Variants in SLC1A2 observed in about 807,000 individuals in gnomAD.
SLC1A2 encodes excitatory amino acid transporter 2.
A neutral mutation model predicts 48.8 loss-of-function variants in SLC1A2; 15 were observed. That is an observed-to-expected ratio of 0.31 (90% CI 0.21 to 0.47). SLC1A2 has a LOEUF of 0.47. SLC1A2 is among the 20% of genes least tolerant of loss of function. The pLI is 0.99. For synonymous variants in SLC1A2, 279 were observed against 272.6 expected, an observed-to-expected ratio of 1.02 and a Z score of -0.23; for missense variants, 502 against 730.5, an observed-to-expected ratio of 0.69 and a Z score of 3.61.
chr11:35,413,236 T>C (rs1855518893), intron 1 of SLC1A2, among the ~76,000 whole-genome samples: 1 of 152,174 alleles, frequency 6.6e-6, no homozygotes, highest in African/African-American at 2.4e-5. Flanking sequence ...TCAGCCCCAG[T>C]TAACCCCTGC....
chr11:35,370,992 A>G, intron 1 of SLC1A2: 4 of 985,338 alleles, frequency 4.1e-6, no homozygotes, highest in Non-Finnish European at 4.8e-6. Context: ...AGACAGTCCC[A>G]AAGGGTGGCA....
intron 1 of SLC1A2, among the ~76,000 whole-genome samples, chr11:35,363,454 T>C (rs1853747759): frequency 6.6e-6 from 1 of 152,114 alleles, no homozygotes; most frequent in Non-Finnish European, 1.5e-5. Context: ...GGGAGCTCAT[T>C]GGAGGGTTTC....
At chr11:35,321,592 G>T (rs1431735142) in intron 1 of SLC1A2, among the ~76,000 whole-genome samples, 1 of 151,982 alleles carries the variant, frequency 6.6e-6, no homozygotes, top group African/African-American at 2.4e-5. Flanking sequence ...AATAAGTCAT[G>T]CTGGGCCCTG....
chr11:35,331,842 T>C (rs1480221113), intron 1 of SLC1A2, among the ~76,000 whole-genome samples: 1 of 152,216 alleles, frequency 6.6e-6, no homozygotes, highest in Non-Finnish European at 1.5e-5. Flanking sequence ...GCACAATTCA[T>C]CACATTCATA....
intron 1 of SLC1A2, among the ~76,000 whole-genome samples, chr11:35,381,718 G>A (rs937779796): frequency 1.3e-5 from 2 of 152,198 alleles, no homozygotes; most frequent in Non-Finnish European, 2.9e-5. Flanking sequence ...GCTCTTGTTT[G>A]CCTCAGAAGA....
intron 1 of SLC1A2, among the ~76,000 whole-genome samples, chr11:35,388,755 G>A (rs1156622217): frequency 3.3e-5 from 5 of 152,172 alleles, no homozygotes; most frequent in African/African-American, 1.2e-4. Context: ...TAGAGCCTAT[G>A]CCTCCTTCAC....
chr11:35,377,201 C>T (rs979002850), intron 1 of SLC1A2, among the ~76,000 whole-genome samples: 1 of 152,154 alleles, frequency 6.6e-6, no homozygotes, highest in African/African-American at 2.4e-5. Flanking sequence ...AATTGAAGGT[C>T]AGAGGGGTTA....
chr11:35,400,707 C>T (rs1590277237), intron 1 of SLC1A2, among the ~76,000 whole-genome samples: 2 of 152,176 alleles, frequency 1.3e-5, no homozygotes, highest in South Asian at 2.1e-4. Flanking sequence ...TTTTTTAAGT[C>T]TAACTACTTG....
In SLC1A2 at chr11:35,303,158, G is replaced by C. The variant is rs563370038; in HGVS notation, c.731-1513C>G. Among the ~76,000 whole-genome samples the C allele has an allele frequency of 8.6e-5, 13 of 151,836 alleles. 1 individual carries two copies. In the Middle Eastern group the frequency reaches 0.01, roughly 119 times the overall value. On this transcript the variant is annotated intron_variant, in intron 5 of 10. Transcript: ENST00000278379. ...TCAGTAAATTTTAGCATTATAATTT[G>C]ATTCTCTTATAACAAAATTCCTTCT... is the stretch of plus-strand genomic sequence containing the variant.
intron 1 of SLC1A2, among the ~76,000 whole-genome samples, chr11:35,397,795 G>A (rs1855012052): frequency 6.6e-6 from 1 of 152,084 alleles, no homozygotes; most frequent in Non-Finnish European, 1.5e-5. Context: ...ATGAGGAAGT[G>A]GGCACTCACT....
intron 9 of SLC1A2, among the ~76,000 whole-genome samples, chr11:35,271,145 G>A (rs1289916757): frequency 6.6e-6 from 1 of 152,228 alleles, no homozygotes; most frequent in Non-Finnish European, 1.5e-5. Context: ...TCTGGTTTGG[G>A]CAACCAGTAG....
chr11:35,367,891 T>C (rs1214366740), intron 1 of SLC1A2, among the ~76,000 whole-genome samples: 2 of 152,184 alleles, frequency 1.3e-5, no homozygotes, highest in Non-Finnish European at 2.9e-5. Context: ...TCACCTGCCA[T>C]AAATAGAGGG....
chr11:35,286,556 TA>T (rs755202068), intron 8 of SLC1A2, 200 bp downstream of exon 8: 1 of 440,568 alleles, frequency 2.3e-6, no homozygotes, highest in Non-Finnish European at 4.1e-6. Flanking sequence ...ACATGTGCAA[TA>T]CAAACAGGAG....
At chr11:35,304,704 C>T (rs74505300) in intron 5 of SLC1A2, among the ~76,000 whole-genome samples, 3,257 of 152,226 alleles carry the variant, frequency 0.021, 112 homozygotes, top group African/African-American at 0.074. Context: ...TCTCTCTCCT[C>T]TTTCTCTCTA....
At chr11:35,306,356 G>T in intron 4 of SLC1A2, 114 bp from the exon 5 acceptor site, 1 of 713,528 alleles carries the variant, frequency 1.4e-6, no homozygotes, top group Non-Finnish European at 2.2e-6. Flanking sequence ...CAATAATTAA[G>T]AAATGCCAAA....
Position 35,286,878 on chromosome 11 carries a change from C to T in SLC1A2, c.1165G>A (p.Val389Ile), listed in dbSNP as rs769682164. 24 of 1,613,910 alleles carry T rather than the reference C, an allele frequency of 1.5e-5. No individual in the cohort carries two copies. The highest frequency in any genetic ancestry group is 3.3e-4 in the Middle Eastern group (2 of 6,084). ...LGIDKRVTRF[V>I]LPVGATINMD... ...TTAATGGTTGCTCCAACAGGAAGGA[C>T]GAATCTAGTCACACGCTTATCAATC... Residue 389 changes from valine (V) to isoleucine (I), a missense_variant, in exon 8 of 11, where the codon GTC (valine) becomes ATC (isoleucine). Val to Ile is a conservative substitution (Grantham distance 29). Coordinates refer to ENST00000278379, the MANE Select transcript of SLC1A2 (RefSeq NM_004171.4).
chr11:35,324,873 C>T (rs12364497), intron 1 of SLC1A2, among the ~76,000 whole-genome samples: 20,035 of 152,108 alleles, frequency 0.13, 1,714 homozygotes, highest in Middle Eastern at 0.21. Flanking sequence ...AGAAATAAGA[C>T]ACCAAGTAAC....
upstream of SLC1A2, chr11:35,420,153 T>C (rs1428091389): frequency 5.2e-6 from 1 of 191,372 alleles, no homozygotes; most frequent in Non-Finnish European, 1.1e-5. Context: ...TTTTTTTTTT[T>C]AGGCCGAGAG....
chr11:35,279,286 T>C (rs937548734), intron 9 of SLC1A2, among the ~76,000 whole-genome samples: 3 of 152,228 alleles, frequency 2.0e-5, no homozygotes, highest in African/African-American at 7.2e-5. Flanking sequence ...GGGGATCCAT[T>C]CCAACCCCCT....
Sources: gnomAD v4.1 joint callset for allele counts (sites outside exome capture counted in the v4.1 genomes callset) on GRCh38, gnomAD v4.1.1 for gene constraint, MANE v1.5 for transcripts, NCBI Gene and HGNC (gene_info 2026-07-23, HGNC 2026-07-21) for gene names.